The following TMX2 variants were observed in gnomAD, a reference collection of about 807,000 sequenced individuals.
TMX2 encodes the protein thioredoxin-related transmembrane protein 2.
In TMX2, 20 loss-of-function variants were observed where a neutral mutation model predicts 33.4. The ratio of observed to expected loss-of-function variants is 0.60; its 90% CI spans 0.42 to 0.87. TMX2 has a LOEUF of 0.87. Ranked by LOEUF, TMX2 falls within the 40% of genes least tolerant of loss-of-function variation. The pLI is 0.00. For missense variants in TMX2, 340 were observed against 370.7 expected (o/e 0.92, Z 0.68); for synonymous variants, 166 against 140.7 (o/e 1.18, Z -1.27).
intron 1 of TMX2, among the ~76,000 whole-genome samples, chr11:57,734,353 G>A (rs1007257137): frequency 3.3e-5 from 5 of 152,182 alleles, no homozygotes; most frequent in African/African-American, 1.2e-4. Flanking sequence ...AATGAAGTTT[G>A]CAGTAGCAAT....
intron 1 of TMX2, among the ~76,000 whole-genome samples, chr11:57,731,708 C>G (rs1394368584): frequency 3.3e-5 from 5 of 151,998 alleles, no homozygotes; most frequent in Non-Finnish European, 5.9e-5. Context: ...CCAAGAAGCT[C>G]CCACTTGGTC....
At chr11:57,732,971 G>A (rs1004005663) in intron 1 of TMX2, among the ~76,000 whole-genome samples, 5 of 152,088 alleles carry the variant, frequency 3.3e-5, no homozygotes, top group Non-Finnish European at 7.3e-5. Flanking sequence ...ACAACCTGTT[G>A]CTCCCAGGCA....
chr11:57,722,911 G>A (rs993346421), intron 1 of TMX2, among the ~76,000 whole-genome samples: 2 of 151,194 alleles, frequency 1.3e-5, no homozygotes, highest in East Asian at 1.9e-4. Flanking sequence ...TCAGGAGTTC[G>A]GGACCAGCCT....
chr11:57,712,909 T>A, intron 1 of TMX2, 102 bp downstream of exon 1: 1 of 1,283,816 alleles, frequency 7.8e-7, no homozygotes. Context: ...CACCTGAGGT[T>A]CCGAGCCTGT....
chr11:57,718,653 CTTTTTTT>C (rs35097323), intron 1 of TMX2: 17 of 208,960 alleles, frequency 8.1e-5, no homozygotes, highest in South Asian at 2.0e-4. Context: ...AACCCCCCCT[CTTTTTTT>C]TTTTTTTTTT....
At chr11:57,722,823 T>G (rs1406921000) in intron 1 of TMX2, among the ~76,000 whole-genome samples, 1 of 152,240 alleles carries the variant, frequency 6.6e-6, no homozygotes. Flanking sequence ...TTTATTAAAA[T>G]TTTATTGGCT....
chr11:57,717,668 G>C (rs1161421660), intron 1 of TMX2, among the ~76,000 whole-genome samples: 2 of 143,136 alleles, frequency 1.4e-5, no homozygotes, highest in Non-Finnish European at 3.1e-5. Flanking sequence ...GTCCAGCTTC[G>C]GCTCGGCATC....
intron 1 of TMX2, among the ~76,000 whole-genome samples, chr11:57,732,908 A>G (rs1375686362): frequency 2.0e-5 from 3 of 152,322 alleles, no homozygotes; most frequent in East Asian, 3.9e-4. Context: ...GGAGCATCAT[A>G]GAGTGTACTT....
At chr11:57,718,763 C>G (rs1590914116) in intron 1 of TMX2, among the ~76,000 whole-genome samples, 1 of 144,692 alleles carries the variant, frequency 6.9e-6, no homozygotes, top group East Asian at 2.2e-4. Flanking sequence ...TCAAGTAATT[C>G]TCCTGCCTCA....
intron 1 of TMX2, among the ~76,000 whole-genome samples, chr11:57,729,170 G>A (rs1948192803): frequency 6.6e-6 from 1 of 152,032 alleles, no homozygotes; most frequent in Non-Finnish European, 1.5e-5. Flanking sequence ...AGAAAATGAG[G>A]AGAATGTCCC....
intron 1 of TMX2, chr11:57,718,200 A>T (rs1947308715): frequency 7.3e-7 from 1 of 1,361,480 alleles, no homozygotes; most frequent in Non-Finnish European, 1.0e-6. Context: ...GTAGATGAAA[A>T]GCTGGGAACC....
At chr11:57,722,122 A>C (rs1947673795) in intron 1 of TMX2, among the ~76,000 whole-genome samples, 1 of 152,116 alleles carries the variant, frequency 6.6e-6, no homozygotes, top group Non-Finnish European at 1.5e-5. Context: ...GAGCCTGTCA[A>C]GCAGATGGGA....
chr11:57,737,474 C>T, intron 1 of TMX2, 134 bp from the exon 2 acceptor site: 1 of 701,874 alleles, frequency 1.4e-6, no homozygotes, highest in Admixed American at 2.3e-5. Flanking sequence ...TACACCTTAC[C>T]TAACTGCAGT....
At chr11:57,735,793 AG>A (rs1226163026) in intron 1 of TMX2, among the ~76,000 whole-genome samples, 3 of 152,188 alleles carry the variant, frequency 2.0e-5, no homozygotes, top group Non-Finnish European at 2.9e-5. Flanking sequence ...TCTGAGGTGG[AG>A]TTTTCAGCCC....
intron 1 of TMX2, among the ~76,000 whole-genome samples, chr11:57,725,817 A>G (rs1947940624): frequency 6.6e-6 from 1 of 152,136 alleles, no homozygotes; most frequent in African/African-American, 2.4e-5. Flanking sequence ...TGGTAAAACA[A>G]AATTGGTTGC....
intron 1 of TMX2, among the ~76,000 whole-genome samples, chr11:57,714,522 G>A (rs972013465): frequency 1.3e-5 from 2 of 152,084 alleles, no homozygotes; most frequent in African/African-American, 4.8e-5. Flanking sequence ...AGCTTTTGTG[G>A]TGATTTTTTT....
intron 1 of TMX2, among the ~76,000 whole-genome samples, chr11:57,733,446 C>G (rs1421276267): frequency 4.0e-5 from 6 of 151,730 alleles, no homozygotes; most frequent in Admixed American, 3.3e-4. Context: ...TTAGTAGAGA[C>G]GGGTTTCACC....
At chr11:57,733,925 C>CT (rs1948566114) in intron 1 of TMX2, among the ~76,000 whole-genome samples, 1 of 151,910 alleles carries the variant, frequency 6.6e-6, no homozygotes, top group South Asian at 2.1e-4. Context: ...AATCCCAGCA[C>CT]TTTGGGAGGC....
intron 1 of TMX2, among the ~76,000 whole-genome samples, chr11:57,734,033 G>A (rs1280966905): frequency 2.6e-5 from 4 of 152,050 alleles, no homozygotes; most frequent in South Asian, 2.1e-4. Context: ...TTAGCTGGGT[G>A]TGGTGGCGGG....
Sources: allele counts gnomAD v4.1 joint callset (sites outside exome capture counted in the v4.1 genomes callset), GRCh38; gene constraint gnomAD v4.1.1; transcripts MANE v1.5; gene names NCBI Gene and HGNC (gene_info 2026-07-23, HGNC 2026-07-21).